CACNB4: variants seen among roughly 807,000 people sequenced by gnomAD.
CACNB4 encodes the protein calcium voltage-gated channel auxiliary subunit beta 4.
CACNB4 carries 32 observed loss-of-function variants against 71.2 expected under a neutral mutation model. The ratio of observed to expected loss-of-function variants is 0.45; its 90% CI spans 0.34 to 0.60. The LOEUF (loss-of-function observed/expected upper bound fraction) is 0.60, where lower values mean the gene tolerates loss of function less well. Ranked by LOEUF, CACNB4 falls within the 20% of genes least tolerant of loss-of-function variation. CACNB4 has a pLI of 0.01. For missense variants in CACNB4, 464 were observed against 647.9 expected, an observed-to-expected ratio of 0.72 and a Z score of 3.08; for synonymous variants, 231 against 236.9, an observed-to-expected ratio of 0.97 and a Z score of 0.23.
intron 2 of CACNB4, among the ~76,000 whole-genome samples, chr2:152,001,526 TAAAAAAAAAAAAA>T (rs70974816): frequency 0.058 from 2,073 of 35,686 alleles, 36 homozygotes; most frequent in Middle Eastern, 0.094. Context: ...CCATCTCTAC[TAAAAAAAAAAAAA>T]AAAAAAAAAA....
chr2:151,928,917 G>GA (rs58646253), intron 2 of CACNB4, among the ~76,000 whole-genome samples: 66,939 of 136,426 alleles, frequency 0.49, 17,521 homozygotes, highest in African/African-American at 0.74. Flanking sequence ...GTCTCAAAAA[G>GA]AAAAAAAAAA....
chr2:152,071,724 T>G (rs1479886612), intron 2 of CACNB4, among the ~76,000 whole-genome samples: 3 of 152,228 alleles, frequency 2.0e-5, no homozygotes, highest in Admixed American at 2.0e-4. Context: ...TGTAAGCAAT[T>G]ATAGTGTGGA....
At chr2:152,001,842 G>A (rs941869566) in intron 2 of CACNB4, among the ~76,000 whole-genome samples, 16 of 152,204 alleles carry the variant, frequency 1.1e-4, no homozygotes, top group Non-Finnish European at 2.4e-4. Context: ...CTGTGGAATA[G>A]AATGTAAATA....
intron 2 of CACNB4, among the ~76,000 whole-genome samples, chr2:152,077,881 C>A (rs867322462): frequency 3.9e-5 from 6 of 152,178 alleles, no homozygotes; most frequent in African/African-American, 1.2e-4. Flanking sequence ...TTAAACCCAA[C>A]TGAAATCCAT....
rs2099834513 is a variant in CACNB4 at position 151,834,712 on chromosome 2, T to C, written c.*4407A>G. 2 of 151,988 alleles carry C rather than the reference T, an allele frequency of 1.3e-5. No homozygotes were observed. The highest frequency in any genetic ancestry group is 4.1e-4 in the South Asian group (2 of 4,830). The allele number at this position is 151,988 out of a possible 1,614,324, so 9.4% of individuals were successfully genotyped here. On this transcript the variant is annotated 3_prime_UTR_variant, in exon 14 of 14. Transcript: ENST00000539935. ...GCTAATTGGATTGACTTGACTGGTT[T>C]GATCATGATTATTTTAAAGAAGAGG...
At chr2:151,952,305 T>C (rs1274156589) in intron 2 of CACNB4, among the ~76,000 whole-genome samples, 1 of 152,072 alleles carries the variant, frequency 6.6e-6, no homozygotes, top group Non-Finnish European at 1.5e-5. Flanking sequence ...TGGGGAGTAA[T>C]GATTTTGAAG....
At position 151,926,014 on chromosome 2, in the gene CACNB4, G is replaced by A. The variant is rs185268468; in HGVS notation, c.148-42644C>T. Among the ~76,000 whole-genome samples the A allele has an allele frequency of 2.3e-3, 356 of 152,290 alleles. 6 individuals are homozygous for A. Among genetic ancestry groups the A allele is most frequent in the East Asian group, 2.7e-3 (14 of 5,186 alleles). ...TATTAAACAACCAAATGGAGGTATT[G>A]AGTAGGCAGTTGGAATTCAGGAGAT... On this transcript the variant is annotated intron_variant, in intron 2 of 13. Transcript: ENST00000539935.
At chr2:152,026,004 G>A (rs1410351773) in intron 2 of CACNB4, among the ~76,000 whole-genome samples, 2 of 152,176 alleles carry the variant, frequency 1.3e-5, no homozygotes, top group Non-Finnish European at 2.9e-5. Context: ...CGTGCACAGG[G>A]CGCCCCCTGC....
At chr2:151,971,508 G>C (rs1392497582) in intron 2 of CACNB4, 1 of 702,800 alleles carries the variant, frequency 1.4e-6, no homozygotes. Context: ...CCTGTTCCGA[G>C]AGCTCTGCTT....
chr2:151,889,473 A>C (rs2099850212), intron 2 of CACNB4, among the ~76,000 whole-genome samples: 1 of 151,904 alleles, frequency 6.6e-6, no homozygotes, highest in African/African-American at 2.4e-5. Context: ...CTCAAAAAAA[A>C]AAAAAAAAAA....
At chr2:151,982,693 T>C (rs973444717) in intron 2 of CACNB4, among the ~76,000 whole-genome samples, 1 of 150,940 alleles carries the variant, frequency 6.6e-6, no homozygotes, top group South Asian at 2.1e-4. Context: ...GTGGTGCTGA[T>C]GAAACAACTT....
At chr2:151,840,264 AG>A (rs2151315539) in intron 13 of CACNB4, among the ~76,000 whole-genome samples, 1 of 152,360 alleles carries the variant, frequency 6.6e-6, no homozygotes, top group South Asian at 2.1e-4. Flanking sequence ...GACAGGTCAC[AG>A]ACTGTGCCTT....
intron 2 of CACNB4, among the ~76,000 whole-genome samples, chr2:152,066,760 A>G: frequency 7.1e-6 from 1 of 141,656 alleles, no homozygotes; most frequent in Non-Finnish European, 1.5e-5. Flanking sequence ...TCCAACAATG[A>G]TAGACTGGAT....
chr2:152,003,032 G>A (rs1277872801), intron 2 of CACNB4, among the ~76,000 whole-genome samples: 1 of 152,154 alleles, frequency 6.6e-6, no homozygotes, highest in African/African-American at 2.4e-5. Flanking sequence ...CCACTCCCAA[G>A]CAAATGAATT....
intron 2 of CACNB4, among the ~76,000 whole-genome samples, chr2:151,965,409 T>C (rs1334314343): frequency 1.3e-5 from 2 of 152,178 alleles, no homozygotes; most frequent in East Asian, 1.9e-4. Flanking sequence ...TGAATGACTT[T>C]TAAAATTAAT....
At chr2:151,857,478 T>C (rs2151366839) in intron 10 of CACNB4, 1 of 152,346 alleles carries the variant, frequency 6.6e-6, no homozygotes, top group African/African-American at 2.4e-5. Context: ...TTTGTCCCCT[T>C]TTCTCTCACA....
chr2:151,849,089 G>T (rs566322260), intron 12 of CACNB4, among the ~76,000 whole-genome samples: 2 of 151,908 alleles, frequency 1.3e-5, no homozygotes, highest in Admixed American at 6.6e-5. Context: ...TGTGAATTCC[G>T]AATGGGCAAC....
intron 2 of CACNB4, among the ~76,000 whole-genome samples, chr2:151,993,342 TG>T (rs1681825985): frequency 6.6e-6 from 1 of 152,000 alleles, no homozygotes; most frequent in African/African-American, 2.4e-5. Flanking sequence ...AATAGGAGCC[TG>T]GGGCCCAGGA....
chr2:151,963,426 G>A (rs1169609180), intron 2 of CACNB4, among the ~76,000 whole-genome samples: 1 of 151,266 alleles, frequency 6.6e-6, no homozygotes, highest in Non-Finnish European at 1.5e-5. Flanking sequence ...TTTCATCTTT[G>A]ATATGATGAG....
Sources: allele counts gnomAD v4.1 joint callset (sites outside exome capture counted in the v4.1 genomes callset), GRCh38; gene constraint gnomAD v4.1.1; transcripts MANE v1.5; gene names NCBI Gene and HGNC (gene_info 2026-07-23, HGNC 2026-07-21).